The following KCNK12 variants were observed in gnomAD, a reference collection of about 807,000 sequenced individuals.
The protein encoded by KCNK12 is potassium two pore domain channel subfamily K member 12.
Under a neutral mutation model 25.3 loss-of-function variants are expected in KCNK12, and 6 were observed. That is an observed-to-expected ratio of 0.24 (90% CI 0.13 to 0.47). The LOEUF (loss-of-function observed/expected upper bound fraction) is 0.47, where lower values mean the gene tolerates loss of function less well. Ranked by LOEUF, KCNK12 falls within the 20% of genes least tolerant of loss-of-function variation. The pLI is 0.99. For missense variants in KCNK12, 444 were observed against 661.7 expected (o/e 0.67, Z 3.61); for synonymous variants, 331 against 311.1 (o/e 1.06, Z -0.67).
At chr2:47,536,390 T>C (rs569166530) in intron 1 of KCNK12, among the ~76,000 whole-genome samples, 1 of 152,340 alleles carries the variant, frequency 6.6e-6, no homozygotes, top group South Asian at 2.1e-4. Flanking sequence ...TTGGACTTCT[T>C]GCCACCCTCC....
Position 47,540,747 on chromosome 2 carries a change from G to T in KCNK12, c.392-18939C>A, listed in dbSNP as rs1669179757. Among the ~76,000 whole-genome samples, 2 of 151,320 alleles carry T rather than the reference G, an allele frequency of 1.3e-5. No individual in the cohort carries two copies. The highest frequency in any genetic ancestry group is 4.9e-5 in the African/African-American group (2 of 40,860). ...TTGGGACCAGCCTGGGCAACATGGT[G>T]AGACTCCATCCCTAGAAACAATTAA... On this transcript the variant is annotated intron_variant, in intron 1 of 1. Transcript: ENST00000327876. The surrounding 1 kb of genome is among the most constrained non-coding windows in gnomAD (Gnocchi z 5.4).
chr2:47,512,369 G>T lies in KCNK12; in HGVS notation c.*8538C>A, dbSNP rs1019838095. On this transcript the variant is annotated 3_prime_UTR_variant, in exon 2 of 2. Coordinates refer to ENST00000327876, the MANE Select transcript of KCNK12 (RefSeq NM_022055.2). ...GCTGACATGGAAAAGGAAACTTCGT[G>T]GGGGAAAGAGATCTGCTTGCAGTCG... 4.3e-6 allele frequency: 7 copies of T among 1,612,156 alleles called. No individual in the cohort carries two copies. Among genetic ancestry groups the T allele is most frequent in the South Asian group, 1.1e-5 (1 of 90,828 alleles).
Position 47,521,011 on chromosome 2 carries a change from G to T in KCNK12, c.1189C>A (p.Pro397Thr). The change falls in exon 2 of 2, where the codon CCG (proline) becomes ACG (threonine). Residue 397 changes from proline to threonine, a missense_variant. Coordinates refer to ENST00000327876, the MANE Select transcript of KCNK12 (RefSeq NM_022055.2). ...CGCGTGTTGACGCACACGCTGCGCGGGTAGCCGTTGGCCGTCTCCGACAGC... is the reference window on the plus strand; with the variant it reads ...CGCGTGTTGACGCACACGCTGCGCGTGTAGCCGTTGGCCGTCTCCGACAGC... ...KQLSETANGY[P>T]RSVCVNTRQN... 2 of 1,397,388 alleles carry T rather than the reference G, an allele frequency of 1.4e-6. No individual in the cohort carries two copies. The highest frequency in any genetic ancestry group is 1.9e-6 in the Non-Finnish European group (2 of 1,073,000). The allele number at this position is 1,397,388 out of a possible 1,614,324, so 86.6% of individuals were successfully genotyped here.
intron 1 of KCNK12, among the ~76,000 whole-genome samples, chr2:47,550,734 TA>T (rs1295158779): frequency 6.6e-6 from 1 of 152,044 alleles, no homozygotes; most frequent in Non-Finnish European, 1.5e-5. Flanking sequence ...TTTAAGGTGC[TA>T]AAAGAAACAG....
intron 1 of KCNK12, among the ~76,000 whole-genome samples, chr2:47,524,818 A>T (rs984072977): frequency 2.0e-5 from 3 of 152,122 alleles, no homozygotes; most frequent in African/African-American, 7.2e-5. Flanking sequence ...TGACGTACCC[A>T]TCACTGTATA....
chr2:47,524,606 G>C (rs1668728911), intron 1 of KCNK12, among the ~76,000 whole-genome samples: 1 of 152,222 alleles, frequency 6.6e-6, no homozygotes, highest in Non-Finnish European at 1.5e-5. Context: ...TTCCTCTAGA[G>C]CATGGCAGGG....
Position 47,556,549 on chromosome 2 carries a change from G to C in KCNK12, c.391+13392C>G, listed in dbSNP as rs1307408300. Among the ~76,000 whole-genome samples, 2 of 152,130 alleles carry C rather than the reference G, an allele frequency of 1.3e-5. No individual in the cohort carries two copies. Among genetic ancestry groups the C allele is most frequent in the Non-Finnish European group, 2.9e-5 (2 of 68,038 alleles). On this transcript the variant is annotated intron_variant, in intron 1 of 1. Transcript: ENST00000327876. This position sits in a 1 kb window ranked among gnomAD's most constrained non-coding sequence, Gnocchi z 4.8. ...TGGTACTCAGGGTCACCAATTTAAAGTTGGACCAGTCAGCATCTCTGCATA... is the reference window on the plus strand; with the variant it reads ...TGGTACTCAGGGTCACCAATTTAAACTTGGACCAGTCAGCATCTCTGCATA...
At chr2:47,527,715 A>G (rs1484328520) in intron 1 of KCNK12, 3 of 152,298 alleles carry the variant, frequency 2.0e-5, no homozygotes, top group African/African-American at 2.4e-5. Context: ...GACCAAACCT[A>G]GAATGTGACC....
Position 47,521,709 on chromosome 2 carries a change from A to T in KCNK12, c.491T>A (p.Phe164Tyr). 6.2e-7 allele frequency: 1 copy of T among 1,600,648 alleles called. No individual in the cohort carries two copies. Among genetic ancestry groups the T allele is most frequent in the Non-Finnish European group, 8.5e-7 (1 of 1,175,524 alleles). ...CAGCAGCGAGATGATGCGCTCCAGG[A>T]AGAGGTTGAAGAACAGGATGGTCCC... ...CAGTILFFNL[F>Y]LERIISLLAF... The change falls in exon 2 of 2, where the codon TTC becomes TAC. Residue 164 changes from phenylalanine to tyrosine, a missense_variant. Physicochemically the swap from Phe to Tyr is conservative, Grantham distance 22. Coordinates refer to ENST00000327876, the MANE Select transcript of KCNK12 (RefSeq NM_022055.2).
At position 47,516,213 on chromosome 2, in the gene KCNK12, T is replaced by C. The variant is rs192293108; in HGVS notation, c.*4694A>G. Among the ~76,000 whole-genome samples, 2 of 152,276 alleles carry C rather than the reference T, an allele frequency of 1.3e-5. No homozygotes were observed. Among genetic ancestry groups the C allele is most frequent in the South Asian group, 2.1e-4 (1 of 4,826 alleles). ...TGTATTCAAGTCCATGACTGCCCATTAGAATCCCCCCAAAAAATTCCAGGA... is the reference window on the plus strand; with the variant it reads ...TGTATTCAAGTCCATGACTGCCCATCAGAATCCCCCCAAAAAATTCCAGGA... On this transcript the variant is annotated 3_prime_UTR_variant, in exon 2 of 2. Transcript: ENST00000327876.
Position 47,569,719 on chromosome 2 carries a change from G to A in KCNK12, c.391+222C>T, listed in dbSNP as rs370357176. 1.3e-3 allele frequency among the ~76,000 whole-genome samples: 198 copies of A among 152,328 alleles called. 9 individuals carry two copies. In the South Asian group the frequency reaches 0.035, roughly 27 times the overall value. On this transcript the variant is annotated intron_variant, in intron 1 of 1. Coordinates refer to ENST00000327876, the MANE Select transcript of KCNK12 (RefSeq NM_022055.2). This position sits in a 1 kb window ranked among gnomAD's most constrained non-coding sequence, Gnocchi z 4.1. The stretch of plus-strand genomic sequence containing the variant: ...GCCAGTGTTGGAGCACAGGCGGCCC[G>A]GGGTGAGCGCCAGAGGTGGGCTTTC...
At chr2:47,526,455 A>C (rs1307117824) in intron 1 of KCNK12, among the ~76,000 whole-genome samples, 1 of 143,422 alleles carries the variant, frequency 7.0e-6, no homozygotes, top group African/African-American at 2.6e-5. Context: ...AAACTGGCTG[A>C]GCCTGGTGGC....
In KCNK12 at chr2:47,540,684, G is replaced by GGGAGGCCAAGGCAGGGGGATTGCT. The variant is rs1357237705; in HGVS notation, c.392-18900_392-18877dup. Among the ~76,000 whole-genome samples, 12 of 152,210 alleles carry GGGAGGCCAAGGCAGGGGGATTGCT rather than the reference G, an allele frequency of 7.9e-5. No individual in the cohort carries two copies. Among genetic ancestry groups the GGGAGGCCAAGGCAGGGGGATTGCT allele is most frequent in the Non-Finnish European group, 4.4e-5 (3 of 68,038 alleles). On this transcript the variant is annotated intron_variant, in intron 1 of 1. Coordinates refer to ENST00000327876, the MANE Select transcript of KCNK12 (RefSeq NM_022055.2). This position sits in a 1 kb window ranked among gnomAD's most constrained non-coding sequence, Gnocchi z 5.4. ...CTTATGCCTGTCATGCCAGCACTTT[G>GGGAGGCCAAGGCAGGGGGATTGCT]GGAGGCCAAGGCAGGGGGATTGCTT...
chr2:47,512,472 G>T lies in KCNK12; in HGVS notation c.*8435C>A. ...TGCCTTCTGGTTAAGTTTTTCATTT[G>T]TAATTCTACAAACATCCCTTCTGTA... is the stretch of plus-strand genomic sequence containing the variant. On this transcript the variant is annotated 3_prime_UTR_variant, in exon 2 of 2. Coordinates refer to ENST00000327876, the MANE Select transcript of KCNK12 (RefSeq NM_022055.2). 6.5e-7 allele frequency: 1 copy of T among 1,548,292 alleles called. No homozygotes were observed. The highest frequency in any genetic ancestry group is 8.7e-7 in the Non-Finnish European group (1 of 1,146,970).
At chr2:47,535,154 G>A (rs925651867) in intron 1 of KCNK12, 19 of 231,884 alleles carry the variant, frequency 8.2e-5, no homozygotes, top group African/African-American at 4.0e-4. Flanking sequence ...ACAGAAGCCA[G>A]CCTGGTTGGC....
At chr2:47,564,474 G>C (rs1669751296) in intron 1 of KCNK12, 1 of 221,254 alleles carries the variant, frequency 4.5e-6, no homozygotes, top group Non-Finnish European at 9.0e-6. Context: ...GTGAATTACA[G>C]AACATCAACT....
intron 1 of KCNK12, among the ~76,000 whole-genome samples, chr2:47,532,369 G>A (rs1370921168): frequency 6.6e-6 from 1 of 151,788 alleles, no homozygotes; most frequent in South Asian, 2.1e-4. Context: ...TTTTTTTAAA[G>A]TTTATTCTTT....
intron 1 of KCNK12, among the ~76,000 whole-genome samples, chr2:47,552,915 G>A (rs1035795380): frequency 1.3e-5 from 2 of 152,228 alleles, no homozygotes; most frequent in East Asian, 3.8e-4. Flanking sequence ...GTTGAGTCTT[G>A]TTGAGTGCCG....
rs1474729731 is a variant in KCNK12, at chr2:47,513,710, C to T, written c.*7197G>A. On this transcript the variant is annotated 3_prime_UTR_variant, in exon 2 of 2. Coordinates refer to ENST00000327876, the MANE Select transcript of KCNK12 (RefSeq NM_022055.2). ...ACTCATCACCTCTTCTGTTCCTCCT[C>T]CTGGGTTCCCAGGCTCAGTGGTGGC... Among the ~76,000 whole-genome samples the T allele has an allele frequency of 1.3e-5, 2 of 152,186 alleles. No individual in the cohort carries two copies. Among genetic ancestry groups the T allele is most frequent in the Non-Finnish European group, 2.9e-5 (2 of 68,038 alleles).
Sources: gnomAD v4.1 joint callset for allele counts (sites outside exome capture counted in the v4.1 genomes callset) on GRCh38, gnomAD v4.1.1 for gene constraint, Gnocchi (gnomAD v3.1) non-coding constraint, MANE v1.5 for transcripts, NCBI Gene and HGNC (gene_info 2026-07-23, HGNC 2026-07-21) for gene names.